Variants in UGT2B17 observed in about 807,000 individuals in gnomAD.
The protein encoded by UGT2B17 is UDP-glucuronosyltransferase 2B17.
Under a neutral mutation model 48.2 loss-of-function variants are expected in UGT2B17, and 21 were observed. The ratio of observed to expected loss-of-function variants is 0.44; its 90% CI spans 0.31 to 0.63. The LOEUF (loss-of-function observed/expected upper bound fraction) is 0.63. Ranked by LOEUF, UGT2B17 falls within the 20% of genes least tolerant of loss-of-function variation. UGT2B17 has a pLI of 0.08. For missense variants in UGT2B17, 402 were observed against 696.1 expected (o/e 0.58, Z 4.75); for synonymous variants, 146 against 238.4 (o/e 0.61, Z 3.57).
chr4:68,551,578 T>A lies in UGT2B17; in HGVS notation c.1093+246A>T, dbSNP rs1343958153. On this transcript the variant is annotated intron_variant, in intron 5 of 6. Transcript: ENST00000317746. ...GATGTTATTTAAAACCTGTGAGAGG[T>A]AATTACACCTGAATAAAGAGATTTT... 1.6e-5 allele frequency among the ~76,000 whole-genome samples: 2 copies of A among 125,470 alleles called. 1 individual carries two copies. The highest frequency in any genetic ancestry group is 3.4e-5 in the Non-Finnish European group (2 of 59,254). The allele number at this position is 125,470 out of a possible 152,430, so 82.3% of individuals were successfully genotyped here. A position where few individuals can be genotyped will look rare whatever the true frequency, so the allele number is the denominator to read the frequency against.
chr4:68,553,171 A>G (rs1490900205), intron 4 of UGT2B17, among the ~76,000 whole-genome samples: 1 of 125,828 alleles, frequency 7.9e-6, no homozygotes, highest in Non-Finnish European at 1.7e-5. Context: ...CAGATTTGAC[A>G]AACTTTACCT....
At chr4:68,551,976 T>C in intron 4 of UGT2B17, 65 bp from the exon 5 acceptor site, 1 of 1,089,666 alleles carries the variant, frequency 9.2e-7, no homozygotes, top group South Asian at 2.4e-5. Flanking sequence ...TTGTTAGAAT[T>C]CTGAAGAGAT....
In UGT2B17 at chr4:68,567,972, G is replaced by A. The variant is rs1184383802; in HGVS notation, c.513C>T (p.Tyr171=). The A allele has an allele frequency of 4.3e-6, 6 of 1,382,096 alleles. 1 individual carries two copies. The highest frequency in any genetic ancestry group is 5.7e-6 in the Non-Finnish European group (6 of 1,055,312). The allele number at this position is 1,382,096 out of a possible 1,614,324, so 85.6% of individuals were successfully genotyped here. ...TGTAGCCAACAGAGAAGCGGAGACT[G>A]TACAGAAAGGGTATGTTAAGTAGCT... The part of the protein sequence containing the change: ...LAELLNIPFL[Y]SLRFSVGYTV... The change falls in exon 2 of 7, where the codon TAC becomes TAT. Residue 171 remains tyrosine, a synonymous_variant. Coordinates refer to ENST00000317746, the MANE Select transcript of UGT2B17 (RefSeq NM_001077.4).
rs1204665084 is a variant in UGT2B17, at chr4:68,537,519, G to T, written c.*106C>A. Reference sequence around the variant, plus strand: ...GACTTAACAGGGTAAGTTGTGAAAAGACGTTTTGTCGCAGGAAAAAGGAAA... The same window carrying T: ...GACTTAACAGGGTAAGTTGTGAAAATACGTTTTGTCGCAGGAAAAAGGAAA... On this transcript the variant is annotated 3_prime_UTR_variant, in exon 7 of 7. Coordinates refer to ENST00000317746, the MANE Select transcript of UGT2B17 (RefSeq NM_001077.4). The T allele has an allele frequency of 1.4e-5, 14 of 1,035,704 alleles. 5 individuals are homozygous for T. Among genetic ancestry groups the T allele is most frequent in the Non-Finnish European group, 1.7e-5 (14 of 802,132 alleles). The allele number at this position is 1,035,704 out of a possible 1,614,324, so 64.2% of individuals were successfully genotyped here. A position where few individuals can be genotyped will look rare whatever the true frequency, so the allele number is the denominator to read the frequency against.
intron 4 of UGT2B17, among the ~76,000 whole-genome samples, chr4:68,553,927 C>T (rs1730958901): frequency 8.1e-6 from 1 of 123,620 alleles, no homozygotes; most frequent in Non-Finnish European, 1.7e-5. Flanking sequence ...GCAAAAGGCA[C>T]CCCTAAGCAA....
In UGT2B17 at chr4:68,546,127, G is replaced by T. The variant is rs1217105803; in HGVS notation, c.1313+4550C>A. Among the ~76,000 whole-genome samples the T allele has an allele frequency of 1.6e-5, 2 of 125,412 alleles. 1 individual carries two copies. Among genetic ancestry groups the T allele is most frequent in the Non-Finnish European group, 3.4e-5 (2 of 59,310 alleles). 82.3% of individuals were successfully genotyped at this position (125,412 alleles called of 152,430 possible). ...CCTGGCAGGGACACAAGAAAAAAAA[G>T]AGAATTGTAGACCAATATCCCTGAT... On this transcript the variant is annotated intron_variant, in intron 6 of 6. Coordinates refer to ENST00000317746, the MANE Select transcript of UGT2B17 (RefSeq NM_001077.4).
rs759084825 is a variant in UGT2B17 at position 68,573,596 on chromosome 4, C to T, written c.-65+2355G>A. 4.0e-5 allele frequency among the ~76,000 whole-genome samples: 5 copies of T among 125,834 alleles called. 2 individuals carry two copies. The highest frequency in any genetic ancestry group is 1.6e-4 in the Admixed American group (2 of 12,258). 82.6% of individuals were successfully genotyped at this position (125,834 alleles called of 152,430 possible). ...CTTATAAGGGGCTCCTCTCACTTTA[C>T]GATGTGTTATTATTATTTTTTCCTT... On this transcript the variant is annotated intron_variant, in intron 1 of 6. Coordinates refer to ENST00000317746, the MANE Select transcript of UGT2B17 (RefSeq NM_001077.4).
At chr4:68,560,118 C>T (rs1438812984) in intron 4 of UGT2B17, among the ~76,000 whole-genome samples, 1 of 115,090 alleles carries the variant, frequency 8.7e-6, no homozygotes, top group Non-Finnish European at 1.9e-5. Context: ...TTTTCAATAC[C>T]TGCTTATTGT....
intron 6 of UGT2B17, 104 bp from the exon 7 acceptor site, chr4:68,538,008 G>A: frequency 1.2e-6 from 1 of 826,510 alleles, no homozygotes; most frequent in Admixed American, 3.5e-5. Context: ...GTGATTCAAA[G>A]TAAGTGTCAT....
rs1381094521 is a variant in UGT2B17, at chr4:68,542,905, C to T, written c.1314-5001G>A. Among the ~76,000 whole-genome samples, 4 of 126,716 alleles carry T rather than the reference C, an allele frequency of 3.2e-5. No homozygotes were observed. The Admixed American group carries it at 3.2e-4, about 10-fold the overall frequency. 83.1% of individuals were successfully genotyped at this position (126,716 alleles called of 152,430 possible). A position where few individuals can be genotyped will look rare whatever the true frequency, so the allele number is the denominator to read the frequency against. ...AGTGAGACTGGGGGAGGGGCGCCTG[C>T]CATTCCCATGGATTGAATAGGTAAA... On this transcript the variant is annotated intron_variant, in intron 6 of 6. Coordinates refer to ENST00000317746, the MANE Select transcript of UGT2B17 (RefSeq NM_001077.4).
intron 1 of UGT2B17, among the ~76,000 whole-genome samples, chr4:68,573,714 G>C (rs1411455885): frequency 7.9e-6 from 1 of 126,484 alleles, no homozygotes; most frequent in Admixed American, 8.1e-5. Context: ...GCCTAGTAAA[G>C]GTCCACCACA....
chr4:68,562,262 C>T lies in UGT2B17; in HGVS notation c.874-1594G>A, dbSNP rs1367024987. Among the ~76,000 whole-genome samples, 16 of 124,064 alleles carry T rather than the reference C, an allele frequency of 1.3e-4. 3 individuals are homozygous for T. Among genetic ancestry groups the T allele is most frequent in the Non-Finnish European group, 2.4e-4 (14 of 58,988 alleles). The allele number at this position is 124,064 out of a possible 152,430, so 81.4% of individuals were successfully genotyped here. On this transcript the variant is annotated intron_variant, in intron 3 of 6. Coordinates refer to ENST00000317746, the MANE Select transcript of UGT2B17 (RefSeq NM_001077.4). Reference sequence around the variant, plus strand: ...TCCTGAGTAGCTGGGATTACAGGCACCTGCCACCACGCCTGGCTAATTTTT... The same window carrying T: ...TCCTGAGTAGCTGGGATTACAGGCATCTGCCACCACGCCTGGCTAATTTTT...
intron 6 of UGT2B17, among the ~76,000 whole-genome samples, chr4:68,541,988 G>C (rs1578163159): frequency 7.9e-6 from 1 of 126,084 alleles, no homozygotes; most frequent in Non-Finnish European, 1.7e-5. Context: ...CCTCTGTTCT[G>C]TTCCATTGGT....
intron 4 of UGT2B17, among the ~76,000 whole-genome samples, chr4:68,557,241 A>T (rs1731019078): frequency 8.0e-6 from 1 of 125,216 alleles, no homozygotes; most frequent in Admixed American, 8.2e-5. Context: ...AGGCTGCCCT[A>T]AAACTTTTTG....
intron 6 of UGT2B17, among the ~76,000 whole-genome samples, chr4:68,545,197 A>T (rs1730774043): frequency 7.9e-6 from 1 of 126,446 alleles, no homozygotes; most frequent in African/African-American, 2.7e-5. Flanking sequence ...CAGCAAATGT[A>T]AAAGAACAGA....
chr4:68,558,837 C>T (rs1236771104), intron 4 of UGT2B17, among the ~76,000 whole-genome samples: 2 of 125,586 alleles, frequency 1.6e-5, no homozygotes, highest in Non-Finnish European at 3.4e-5. Flanking sequence ...AAAGACACCC[C>T]TCTGCTCACT....
chr4:68,557,952 G>T (rs2109770435), intron 4 of UGT2B17, among the ~76,000 whole-genome samples: 1 of 124,164 alleles, frequency 8.1e-6, no homozygotes, highest in African/African-American at 2.7e-5. Context: ...AGTTTATTTT[G>T]GAACCCCAAG....
rs1306251929 is a variant in UGT2B17, at chr4:68,566,022, T to C, written c.725-302A>G. Reference sequence around the variant, plus strand: ...TTAATTTTTAATTTTTAATATTTAATAAAGTTTAATATTTAATATTAATAA... The same window carrying C: ...TTAATTTTTAATTTTTAATATTTAACAAAGTTTAATATTTAATATTAATAA... On this transcript the variant is annotated intron_variant, in intron 2 of 6. Coordinates refer to ENST00000317746, the MANE Select transcript of UGT2B17 (RefSeq NM_001077.4). Among the ~76,000 whole-genome samples the C allele has an allele frequency of 3.4e-5, 4 of 118,878 alleles. 1 individual carries two copies. In the Admixed American group the frequency reaches 3.6e-4, roughly 11 times the overall value. The allele number at this position is 118,878 out of a possible 152,430, so 78.0% of individuals were successfully genotyped here.
chr4:68,549,551 G>A (rs868654774), intron 6 of UGT2B17, among the ~76,000 whole-genome samples: 1 of 124,832 alleles, frequency 8.0e-6, no homozygotes, highest in Non-Finnish European at 1.7e-5. Flanking sequence ...CATGAAAAGA[G>A]GGTTAACATC....
Sources: allele counts gnomAD v4.1 joint callset (sites outside exome capture counted in the v4.1 genomes callset), GRCh38; gene constraint gnomAD v4.1.1; transcripts MANE v1.5; gene names NCBI Gene and HGNC (gene_info 2026-07-23, HGNC 2026-07-21).